The following PCDHB4 variants were observed in gnomAD, a reference collection of about 807,000 sequenced individuals.
PCDHB4 encodes protocadherin beta-4.
For missense variants in PCDHB4, 1,063 were observed against 1,007.0 expected, an observed-to-expected ratio of 1.06 and a Z score of -0.75; for synonymous variants, 482 against 447.3, an observed-to-expected ratio of 1.08 and a Z score of -0.98.
Position 141,123,081 on chromosome 5 carries a change from G to C in PCDHB4, c.1083G>C (p.Glu361Asp). The change falls in exon 1 of 1, where the codon GAG (glutamate) becomes GAC (aspartate). Residue 361 changes from glutamate (E) to aspartate (D), a missense_variant. By Grantham distance (45) the Glu-to-Asp change is conservative (BLOSUM62 2). Transcript: ENST00000194152. Reference sequence around the variant, plus strand: ...GCTCCATCCCAGAAAATGCTCCTGAGACGGTAGTCTCTATCTTCCGAATTC... The same window carrying C: ...GCTCCATCCCAGAAAATGCTCCTGACACGGTAGTCTCTATCTTCCGAATTC... Reference protein sequence around the residue: ...LTSSIPENAPETVVSIFRIRD... With the variant: ...LTSSIPENAPDTVVSIFRIRD... The C allele has an allele frequency of 6.2e-7, 1 of 1,613,824 alleles. No homozygotes were observed. The highest frequency in any genetic ancestry group is 2.2e-5 in the East Asian group (1 of 44,866).
Position 141,123,377 on chromosome 5 carries a change from G to A in PCDHB4, c.1379G>A (p.Arg460His). The change falls in exon 1 of 1, where the codon CGC becomes CAC. Residue 460 changes from arginine to histidine, a missense_variant. Arg to His is a conservative substitution (Grantham distance 29). Coordinates refer to ENST00000194152, the MANE Select transcript of PCDHB4 (RefSeq NM_018938.4). Reference protein sequence around the residue: ...FTQTSYTLFVRENNSPALHIG... With the variant: ...FTQTSYTLFVHENNSPALHIG... ...CAAACCTCCTACACCCTGTTCGTCC[G>A]CGAGAACAACAGCCCCGCCCTGCAC... is the stretch of plus-strand genomic sequence containing the variant. The A allele has an allele frequency of 1.2e-6, 2 of 1,613,796 alleles. No homozygotes were observed. Among genetic ancestry groups the A allele is most frequent in the South Asian group, 1.1e-5 (1 of 91,052 alleles).
In PCDHB4 at chr5:141,122,902, T is replaced by C; in HGVS notation, c.904T>C (p.Leu302=). 2 of 1,608,260 alleles carry C rather than the reference T, an allele frequency of 1.2e-6. No homozygotes were observed. The highest frequency in any genetic ancestry group is 1.7e-6 in the Non-Finnish European group (2 of 1,178,540). Residue 302 remains leucine, a synonymous_variant, in exon 1 of 1, where the codon TTG becomes CTG. Transcript: ENST00000194152. ...SINEVTGEIL[L]KKKLDFEKIK... Reference sequence around the variant, plus strand: ...AAATGAAGTCACGGGAGAAATACTGTTGAAAAAAAAATTGGATTTCGAAAA... The same window carrying C: ...AAATGAAGTCACGGGAGAAATACTGCTGAAAAAAAAATTGGATTTCGAAAA...
Position 141,122,657 on chromosome 5 carries a change from C to T in PCDHB4, c.659C>T (p.Pro220Leu). ...TLVALDGGSP[P>L]RSGTVMVRIL... ...GTGGCGCTGGATGGTGGGTCACCACCTAGGTCTGGCACGGTCATGGTTCGA... is the reference window on the plus strand; with the variant it reads ...GTGGCGCTGGATGGTGGGTCACCACTTAGGTCTGGCACGGTCATGGTTCGA... The change falls in exon 1 of 1, where the codon CCT (proline) becomes CTT (leucine). Residue 220 changes from proline to leucine, a missense_variant. Physicochemically the swap from Pro to Leu is moderately conservative, Grantham distance 98 (BLOSUM62 -3). Coordinates refer to ENST00000194152, the MANE Select transcript of PCDHB4 (RefSeq NM_018938.4). 6.2e-7 allele frequency: 1 copy of T among 1,614,170 alleles called. No individual in the cohort carries two copies.
Position 141,122,932 on chromosome 5 carries a change from A to C in PCDHB4, c.934A>C (p.Lys312Gln). 6.2e-7 allele frequency: 1 copy of C among 1,610,768 alleles called. No individual in the cohort carries two copies. Among genetic ancestry groups the C allele is most frequent in the Non-Finnish European group, 8.5e-7 (1 of 1,179,120 alleles). Reference protein sequence around the residue: ...LKKKLDFEKIKSYHVEIEATD... With the variant: ...LKKKLDFEKIQSYHVEIEATD... ...AAAAAAATTGGATTTCGAAAAAATTAAATCTTACCATGTAGAAATTGAGGC... is the reference window on the plus strand; with the variant it reads ...AAAAAAATTGGATTTCGAAAAAATTCAATCTTACCATGTAGAAATTGAGGC... The change falls in exon 1 of 1, where the codon AAA becomes CAA. Residue 312 changes from lysine to glutamine, a missense_variant. Coordinates refer to ENST00000194152, the MANE Select transcript of PCDHB4 (RefSeq NM_018938.4).
Position 141,123,020 on chromosome 5 carries a change from A to T in PCDHB4, c.1022A>T (p.Asp341Val), listed in dbSNP as rs918956788. ...GTCATAGAGGTGGTGGATGTGAATG[A>T]CAATCCCCCAGAACTTATCATATCT... ...TVVIEVVDVN[D>V]NPPELIISSL... is the part of the protein sequence containing the mutation. The change falls in exon 1 of 1, where the codon GAC becomes GTC. Residue 341 changes from aspartate to valine, a missense_variant. By Grantham distance (152) the Asp-to-Val change is radical (BLOSUM62 -3). Coordinates refer to ENST00000194152, the MANE Select transcript of PCDHB4 (RefSeq NM_018938.4). 5.0e-6 allele frequency: 8 copies of T among 1,613,914 alleles called. No homozygotes were observed. The highest frequency in any genetic ancestry group is 5.9e-6 in the Non-Finnish European group (7 of 1,179,978).
chr5:141,122,742 G>T lies in PCDHB4; in HGVS notation c.744G>T (p.Val248=), dbSNP rs782042229. The change falls in exon 1 of 1, where the codon GTG becomes GTT. Residue 248 remains valine, a synonymous_variant. Transcript: ENST00000194152. ...APEFVHTPYG[V]QVLENSPLDS... is the part of the protein sequence containing the mutation. ...AGTTTGTGCACACTCCATATGGGGT[G>T]CAGGTCCTGGAAAACAGCCCCCTAG... The T allele has an allele frequency of 6.2e-7, 1 of 1,614,026 alleles. No individual in the cohort carries two copies. Among genetic ancestry groups the T allele is most frequent in the African/African-American group, 1.3e-5 (1 of 74,908 alleles).
rs372292910 is a variant in PCDHB4 at position 141,122,904 on chromosome 5, G to GA, written c.915dup (p.Leu306IlefsTer7). The GA allele has an allele frequency of 2.2e-4, 347 of 1,589,642 alleles. No individual in the cohort carries two copies. Among genetic ancestry groups the GA allele is most frequent in the Admixed American group, 3.9e-4 (22 of 56,358 alleles). On this transcript the variant is annotated frameshift_variant, in exon 1 of 1. Coordinates refer to ENST00000194152, the MANE Select transcript of PCDHB4 (RefSeq NM_018938.4). LOFTEE classifies it low-confidence loss of function (END_TRUNC). ...ATGAAGTCACGGGAGAAATACTGTT[G>GA]AAAAAAAAATTGGATTTCGAAAAAA... is the stretch of plus-strand genomic sequence containing the variant.
Position 141,124,348 on chromosome 5 carries a change from GA to G in PCDHB4, c.2354del (p.Asn785ThrfsTer16). 1 of 1,612,942 alleles carries G rather than the reference GA, an allele frequency of 6.2e-7. No individual in the cohort carries two copies. The highest frequency in any genetic ancestry group is 8.5e-7 in the Non-Finnish European group (1 of 1,179,538). On this transcript the variant is annotated frameshift_variant, in exon 1 of 1. Transcript: ENST00000194152. LOFTEE classifies it high-confidence loss of function. The part of the protein sequence containing the change: ...LVQDTGREVK[E>X]NPKFRNSLVF... ...TCAGGACACCGGGAGGGAAGTTAAG[GA>G]AAACCCCAAGTTCAGAAATAGCTTG... is the stretch of plus-strand genomic sequence containing the variant.
At position 141,123,737 on chromosome 5, in the gene PCDHB4, A is replaced by C. The variant is rs782394627; in HGVS notation, c.1739A>C (p.Glu580Ala). The change falls in exon 1 of 1, where the codon GAG becomes GCG. Residue 580 changes from glutamate (E) to alanine (A), a missense_variant. By Grantham distance (107) the Glu-to-Ala change is moderately radical (BLOSUM62 -1). Coordinates refer to ENST00000194152, the MANE Select transcript of PCDHB4 (RefSeq NM_018938.4). ...PCTELVPRAA[E>A]PGYLVTKVVA... Reference sequence around the variant, plus strand: ...ACCGAGCTGGTGCCCCGGGCGGCCGAGCCGGGCTACCTGGTGACCAAGGTG... The same window carrying C: ...ACCGAGCTGGTGCCCCGGGCGGCCGCGCCGGGCTACCTGGTGACCAAGGTG... 1.9e-6 allele frequency: 3 copies of C among 1,610,336 alleles called. No individual in the cohort carries two copies. Among genetic ancestry groups the C allele is most frequent in the African/African-American group, 2.7e-5 (2 of 74,970 alleles).
Position 141,123,892 on chromosome 5 carries a change from C to T in PCDHB4, c.1894C>T (p.Arg632Cys), listed in dbSNP as rs145960162. Residue 632 changes from arginine to cysteine, a missense_variant, in exon 1 of 1, where the codon CGC (arginine) becomes TGC (cysteine). Transcript: ENST00000194152. ...GCGCACCGCCAGGCTGCTGAGCGAG[C>T]GCGACGCAGCCAAGCACAGGCTCGT... The part of the protein sequence containing the change: ...EVRTARLLSE[R>C]DAAKHRLVVL... 1.2e-5 allele frequency: 19 copies of T among 1,606,448 alleles called. No individual in the cohort carries two copies. The East Asian group carries it at 2.7e-4, about 23-fold the overall frequency.
Position 141,123,526 on chromosome 5 carries a change from G to C in PCDHB4, c.1528G>C (p.Gly510Arg), listed in dbSNP as rs782629770. Reference protein sequence around the residue: ...ASLVSINADNGHLFALRSLDY... With the variant: ...ASLVSINADNRHLFALRSLDY... Reference sequence around the variant, plus strand: ...CCTGGTCTCCATCAACGCAGACAACGGCCACCTGTTCGCCCTCAGGTCGCT... The same window carrying C: ...CCTGGTCTCCATCAACGCAGACAACCGCCACCTGTTCGCCCTCAGGTCGCT... Residue 510 changes from glycine (G) to arginine (R), a missense_variant, in exon 1 of 1, where the codon GGC (glycine) becomes CGC (arginine). Gly to Arg is a moderately radical substitution (Grantham distance 125, BLOSUM62 -2). Transcript: ENST00000194152. 4.3e-6 allele frequency: 7 copies of C among 1,613,178 alleles called. No individual in the cohort carries two copies. The highest frequency in any genetic ancestry group is 1.7e-5 in the Admixed American group (1 of 60,002).
Position 141,122,322 on chromosome 5 carries a change from C to T in PCDHB4, c.324C>T (p.Phe108=), listed in dbSNP as rs1554274325. The T allele has an allele frequency of 1.9e-6, 3 of 1,614,040 alleles. No homozygotes were observed. Among genetic ancestry groups the T allele is most frequent in the Non-Finnish European group, 2.5e-6 (3 of 1,180,026 alleles). The change falls in exon 1 of 1, where the codon TTC becomes TTT. Residue 108 remains phenylalanine (F), a synonymous_variant. Transcript: ENST00000194152. ...IEPCVLHFQV[F]LEMPVQFFQG... The stretch of plus-strand genomic sequence containing the variant: ...CGTGTGTACTGCATTTCCAAGTGTT[C>T]CTGGAAATGCCGGTGCAATTTTTTC...
At position 141,124,489 on chromosome 5, in the gene PCDHB4, C is replaced by A; in HGVS notation, c.*103C>A. 1 of 995,850 alleles carries A rather than the reference C, an allele frequency of 1.0e-6. No individual in the cohort carries two copies. Among genetic ancestry groups the A allele is most frequent in the Non-Finnish European group, 1.5e-6 (1 of 689,616 alleles). 61.7% of individuals were successfully genotyped at this position (995,850 alleles called of 1,614,324 possible). A position where few individuals can be genotyped will look rare whatever the true frequency, so the allele number is the denominator to read the frequency against. ...TCTACTTATCTAAATATTCATACCACAATTTCAAACCTACTCATGTCCCTG... is the reference window on the plus strand; with the variant it reads ...TCTACTTATCTAAATATTCATACCAAAATTTCAAACCTACTCATGTCCCTG... On this transcript the variant is annotated 3_prime_UTR_variant, in exon 1 of 1. Transcript: ENST00000194152.
In PCDHB4 at chr5:141,124,192, C is replaced by T. The variant is rs1554274741; in HGVS notation, c.2194C>T (p.Pro732Ser). Residue 732 changes from proline (P) to serine (S), a missense_variant, in exon 1 of 1, where the codon CCA becomes TCA. By Grantham distance (74) the Pro-to-Ser change is moderately conservative. Coordinates refer to ENST00000194152, the MANE Select transcript of PCDHB4 (RefSeq NM_018938.4). ...CTGCTCGGTGCCCGAGGGCCCCTTT[C>T]CAGGGCATCTGGTGGACGTAAGCGG... is the stretch of plus-strand genomic sequence containing the variant. ...GRCSVPEGPF[P>S]GHLVDVSGTG... 2 of 1,613,962 alleles carry T rather than the reference C, an allele frequency of 1.2e-6. No homozygotes were observed. Among genetic ancestry groups the T allele is most frequent in the Admixed American group, 1.7e-5 (1 of 60,030 alleles).
At position 141,122,303 on chromosome 5, in the gene PCDHB4, T is replaced by C. The variant is rs1554274320; in HGVS notation, c.305T>C (p.Val102Ala). 1.9e-6 allele frequency: 3 copies of C among 1,614,112 alleles called. No individual in the cohort carries two copies. In the South Asian group the frequency reaches 3.3e-5, roughly 18 times the overall value. The change falls in exon 1 of 1, where the codon GTA becomes GCA. Residue 102 changes from valine (V) to alanine (A), a missense_variant. Transcript: ENST00000194152. ...EELCGPIEPC[V>A]LHFQVFLEMP... ...CTCTGTGGTCCTATTGAACCGTGTGTACTGCATTTCCAAGTGTTCCTGGAA... is the reference window on the plus strand; with the variant it reads ...CTCTGTGGTCCTATTGAACCGTGTGCACTGCATTTCCAAGTGTTCCTGGAA...
rs782431482 is a variant in PCDHB4, at chr5:141,122,269, C to G, written c.271C>G (p.Arg91Gly). Residue 91 changes from arginine to glycine, a missense_variant, in exon 1 of 1, where the codon CGG becomes GGG. Physicochemically the swap from Arg to Gly is moderately radical, Grantham distance 125 (BLOSUM62 -2). Transcript: ENST00000194152. ...GDLLLREKLD[R>G]EELCGPIEPC... Reference sequence around the variant, plus strand: ...TTTGCTTCTGAGGGAGAAACTAGACCGGGAAGAGCTCTGTGGTCCTATTGA... The same window carrying G: ...TTTGCTTCTGAGGGAGAAACTAGACGGGGAAGAGCTCTGTGGTCCTATTGA... 13 of 1,613,978 alleles carry G rather than the reference C, an allele frequency of 8.1e-6. No homozygotes were observed. The highest frequency in any genetic ancestry group is 3.3e-4 in the Middle Eastern group (2 of 6,062).
chr5:141,123,143 G>A lies in PCDHB4; in HGVS notation c.1145G>A (p.Cys382Tyr), dbSNP rs1563857037. 1 of 1,614,090 alleles carries A rather than the reference G, an allele frequency of 6.2e-7. No homozygotes were observed. Among genetic ancestry groups the A allele is most frequent in the Non-Finnish European group, 8.5e-7 (1 of 1,180,000 alleles). The change falls in exon 1 of 1, where the codon TGC (cysteine) becomes TAC (tyrosine). Residue 382 changes from cysteine (C) to tyrosine (Y), a missense_variant. Physicochemically the swap from Cys to Tyr is radical, Grantham distance 194. Coordinates refer to ENST00000194152, the MANE Select transcript of PCDHB4 (RefSeq NM_018938.4). ...RDSGENGKMI[C>Y]SIPDNLPFIL... is the part of the protein sequence containing the mutation. ...TCCGGAGAAAATGGAAAGATGATTTGCTCTATTCCAGATAATCTACCGTTT... is the reference window on the plus strand; with the variant it reads ...TCCGGAGAAAATGGAAAGATGATTTACTCTATTCCAGATAATCTACCGTTT...
Position 141,123,307 on chromosome 5 carries a change from A to T in PCDHB4, c.1309A>T (p.Thr437Ser). ...CAGGCTGAAAACCCAGCAGAACATA[A>T]CCGTGCAGGTCTCCGACGTCAATGA... ...TPRLKTQQNI[T>S]VQVSDVNDNA... is the part of the protein sequence containing the mutation. Residue 437 changes from threonine (T) to serine (S), a missense_variant, in exon 1 of 1, where the codon ACC (threonine) becomes TCC (serine). Physicochemically the swap from Thr to Ser is moderately conservative, Grantham distance 58. Coordinates refer to ENST00000194152, the MANE Select transcript of PCDHB4 (RefSeq NM_018938.4). 6.2e-7 allele frequency: 1 copy of T among 1,613,990 alleles called. No homozygotes were observed. The highest frequency in any genetic ancestry group is 8.5e-7 in the Non-Finnish European group (1 of 1,179,986).
At position 141,122,437 on chromosome 5, in the gene PCDHB4, C is replaced by A. The variant is rs1554274345; in HGVS notation, c.439C>A (p.Pro147Thr). 6.2e-7 allele frequency: 1 copy of A among 1,614,092 alleles called. No individual in the cohort carries two copies. Among genetic ancestry groups the A allele is most frequent in the African/African-American group, 1.3e-5 (1 of 74,944 alleles). ...CTTGAAAATACTAGAAAATAGCCAG[C>A]CGGGTACTCTATTTCCGTTGCTAAT... Reference protein sequence around the residue: ...VLLKILENSQPGTLFPLLIAE... With the variant: ...VLLKILENSQTGTLFPLLIAE... Residue 147 changes from proline (P) to threonine (T), a missense_variant, in exon 1 of 1, where the codon CCG (proline) becomes ACG (threonine). Physicochemically the swap from Pro to Thr is conservative, Grantham distance 38. Transcript: ENST00000194152.
Sources: gnomAD v4.1 joint callset for allele counts on GRCh38, gnomAD v4.1.1 for gene constraint, MANE v1.5 for transcripts, NCBI Gene and HGNC (gene_info 2026-07-23, HGNC 2026-07-21) for gene names.